Variants in UNC80 observed in about 807,000 individuals in gnomAD.
The protein encoded by UNC80 is protein unc-80 homolog.
UNC80 carries 164 observed loss-of-function variants against 384.6 expected under a neutral mutation model. The ratio of observed to expected loss-of-function variants is 0.43; its 90% CI spans 0.38 to 0.49. UNC80 has a LOEUF of 0.49. Among genes scored for constraint, UNC80 ranks in the 20% least tolerant of loss-of-function variants. UNC80 has a pLI of 0.00. For missense variants in UNC80, 3,330 were observed against 4,143.0 expected, an observed-to-expected ratio of 0.80 and a Z score of 5.39; for synonymous variants, 1,486 against 1,527.8, an observed-to-expected ratio of 0.97 and a Z score of 0.64.
chr2:209,944,459 G>A (rs2091814709), intron 45 of UNC80, among the ~76,000 whole-genome samples: 1 of 151,952 alleles, frequency 6.6e-6, no homozygotes, highest in African/African-American at 2.4e-5. Context: ...TGTTTGTTTG[G>A]TTTTAGTTAT....
intron 27 of UNC80, among the ~76,000 whole-genome samples, chr2:209,894,591 C>A (rs568243429): frequency 6.6e-6 from 1 of 152,280 alleles, no homozygotes; most frequent in Non-Finnish European, 1.5e-5. Context: ...AATGCAGATT[C>A]TGATTCAGCA....
intron 56 of UNC80, among the ~76,000 whole-genome samples, chr2:209,975,580 C>T (rs761332994): frequency 1.3e-5 from 2 of 152,082 alleles, no homozygotes; most frequent in Non-Finnish European, 2.9e-5. Flanking sequence ...AGTGTGGGGT[C>T]AGGAAGGGAA....
At chr2:209,995,208 C>A (rs931823504) in intron 64 of UNC80, 121 bp from the exon 65 acceptor site, 26 of 1,305,492 alleles carry the variant, frequency 2.0e-5, no homozygotes, top group Non-Finnish European at 2.7e-5. Context: ...ATAACAAAGG[C>A]TGGAACTGGG....
Position 209,943,488 on chromosome 2 carries a change from A to G in UNC80, c.7024A>G (p.Ser2342Gly). The change falls in exon 45 of 65, where the codon AGT becomes GGT. Residue 2342 changes from serine (S) to glycine (G), a missense_variant. Ser to Gly is a moderately conservative substitution (Grantham distance 56). This residue lies in a region of UNC80 where 1,049 missense variants were observed against 1,488.6 expected (regional missense o/e 0.70). Coordinates refer to ENST00000673920, the MANE Select transcript of UNC80 (RefSeq NM_001371986.1). Reference sequence around the variant, plus strand: ...GCCCTTTGTGCTCCAGCTGTTTGCTAGTGTGGCCCCTCTCCTGGAATTTCC... The same window carrying G: ...GCCCTTTGTGCTCCAGCTGTTTGCTGGTGTGGCCCCTCTCCTGGAATTTCC... ...RKPFVLQLFA[S>G]VAPLLEFPDA... 1.9e-6 allele frequency: 3 copies of G among 1,551,834 alleles called. No homozygotes were observed. Among genetic ancestry groups the G allele is most frequent in the Non-Finnish European group, 2.6e-6 (3 of 1,146,960 alleles).
At chr2:209,840,730 C>A (rs2081674214) in intron 20 of UNC80, 82 bp downstream of exon 20, 3 of 1,146,648 alleles carry the variant, frequency 2.6e-6, no homozygotes, top group Non-Finnish European at 1.3e-6. Context: ...CAAACACCTG[C>A]AGGGGCCAAA....
intron 31 of UNC80, among the ~76,000 whole-genome samples, chr2:209,915,404 C>CAAAAAA (rs5838189): frequency 2.3e-4 from 18 of 76,910 alleles, no homozygotes; most frequent in Non-Finnish European, 2.3e-4. Flanking sequence ...GACTCTGTCT[C>CAAAAAA]AAAAAAAAAA....
intron 40 of UNC80, among the ~76,000 whole-genome samples, chr2:209,936,171 A>C (rs575465875): frequency 6.6e-6 from 1 of 152,244 alleles, no homozygotes; most frequent in South Asian, 2.1e-4. Flanking sequence ...TCTCCAGAGA[A>C]TTTCTAAGGC....
intron 7 of UNC80, chr2:209,809,387 C>A: frequency 1.8e-6 from 2 of 1,124,948 alleles, no homozygotes; most frequent in Non-Finnish European, 2.7e-6. Context: ...CATGTCCGGA[C>A]CCACACTGGT....
chr2:209,906,987 CTCTAA>C (rs763925835), intron 29 of UNC80, among the ~76,000 whole-genome samples: 65 of 152,202 alleles, frequency 4.3e-4, no homozygotes, highest in South Asian at 2.5e-3. Context: ...GGCACTAGGC[CTCTAA>C]TCTAACATAG....
intron 27 of UNC80, 35 bp downstream of exon 27, chr2:209,894,401 G>A (rs150159140): frequency 3.7e-4 from 365 of 978,750 alleles, no homozygotes; most frequent in Non-Finnish European, 4.2e-4. Flanking sequence ...AGGGACGTGG[G>A]GGGTAGGAAG....
intron 27 of UNC80, among the ~76,000 whole-genome samples, chr2:209,894,866 A>T (rs893359524): frequency 2.0e-5 from 3 of 152,206 alleles, no homozygotes; most frequent in Non-Finnish European, 4.4e-5. Flanking sequence ...ATTTACCAGT[A>T]TGAACAACCA....
chr2:209,918,114 A>C (rs1185492344), intron 32 of UNC80, among the ~76,000 whole-genome samples, 156 bp downstream of exon 32: 1 of 152,190 alleles, frequency 6.6e-6, no homozygotes, highest in East Asian at 1.9e-4. Flanking sequence ...ATGCATTCCT[A>C]CTGTTAAAAA....
At chr2:209,986,378 G>A (rs867058192) in intron 61 of UNC80, among the ~76,000 whole-genome samples, 1 of 152,194 alleles carries the variant, frequency 6.6e-6, no homozygotes, top group African/African-American at 2.4e-5. Flanking sequence ...AGAGAAGGCA[G>A]GAGTTTGAGA....
intron 24 of UNC80, among the ~76,000 whole-genome samples, chr2:209,880,623 G>C (rs2085204107): frequency 6.6e-6 from 1 of 152,176 alleles, no homozygotes; most frequent in Admixed American, 6.5e-5. Context: ...AGGTATTCTA[G>C]TCTAGTTGGA....
chr2:209,786,794 A>G (rs917372322), intron 5 of UNC80, among the ~76,000 whole-genome samples: 4 of 151,936 alleles, frequency 2.6e-5, no homozygotes, highest in Admixed American at 2.0e-4. Flanking sequence ...AAGCATTTCC[A>G]TTTATGTAAA....
At chr2:209,967,785 G>A (rs2092779093) in intron 52 of UNC80, 148 bp downstream of exon 52, 1 of 652,282 alleles carries the variant, frequency 1.5e-6, no homozygotes. Context: ...GTCTATGAAT[G>A]CCTAAGTAGC....
intron 17 of UNC80, 120 bp from the exon 18 acceptor site, chr2:209,834,792 C>T (rs2081230771): frequency 8.2e-6 from 6 of 734,800 alleles, no homozygotes; most frequent in Non-Finnish European, 9.0e-6. Flanking sequence ...CTCCTGGTGA[C>T]ATAAAGTTCA....
rs1574558274 is a variant in UNC80 at position 209,813,643 on chromosome 2, T to C, written c.1002T>C (p.Val334=). 1.9e-6 allele frequency: 3 copies of C among 1,551,880 alleles called. No homozygotes were observed. The highest frequency in any genetic ancestry group is 4.9e-5 in the East Asian group (2 of 40,918). ...SRYATYFDVA[V]LRCLLQPHWS... Reference sequence around the variant, plus strand: ...ATGCCACCTACTTTGACGTTGCTGTTCTGCGCTGCCTACTTCAGCCCCATT... The same window carrying C: ...ATGCCACCTACTTTGACGTTGCTGTCCTGCGCTGCCTACTTCAGCCCCATT... The change falls in exon 8 of 65, where the codon GTT becomes GTC. Residue 334 remains valine (V), a synonymous_variant. Coordinates refer to ENST00000673920, the MANE Select transcript of UNC80 (RefSeq NM_001371986.1).
At chr2:209,960,103 A>G (rs1249569124) in intron 51 of UNC80, among the ~76,000 whole-genome samples, 1 of 152,226 alleles carries the variant, frequency 6.6e-6, no homozygotes, top group African/African-American at 2.4e-5. Flanking sequence ...AGGAATGCAC[A>G]ACTACTTTCT....
Sources: gnomAD v4.1 joint callset for allele counts (sites outside exome capture counted in the v4.1 genomes callset) on GRCh38, gnomAD v4.1.1 for gene constraint, gnomAD v4.1.1 regional missense constraint, MANE v1.5 for transcripts, NCBI Gene and HGNC (gene_info 2026-07-23, HGNC 2026-07-21) for gene names.